The following SPSB4 variants were observed in gnomAD, a reference collection of about 807,000 sequenced individuals.
SPSB4 encodes the protein splA/ryanodine receptor domain and SOCS box containing 4, also known as SPRY domain-containing SOCS box protein 4.
Under a neutral mutation model 20.9 loss-of-function variants are expected in SPSB4, and 21 were observed. That is an observed-to-expected ratio of 1.01 (90% CI 0.71 to 1.45). The LOEUF (loss-of-function observed/expected upper bound fraction) is 1.45. Ranked by LOEUF, SPSB4 falls within the 40% of genes most tolerant of loss-of-function variation. The pLI, the probability that SPSB4 is intolerant of heterozygous loss-of-function variation, is 0.00. For missense variants in SPSB4, 399 were observed against 399.2 expected, an observed-to-expected ratio of 1.00 and a Z score of 0.00; for synonymous variants, 207 against 183.8, an observed-to-expected ratio of 1.13 and a Z score of -1.02.
intron 2 of SPSB4, among the ~76,000 whole-genome samples, chr3:141,109,781 G>C (rs115121428): frequency 6.6e-6 from 1 of 152,120 alleles, no homozygotes; most frequent in African/African-American, 2.4e-5. Flanking sequence ...ATCAAAAAGC[G>C]GCCTTCCAGG....
At chr3:141,079,227 C>T (rs1439777909) in intron 2 of SPSB4, among the ~76,000 whole-genome samples, 2 of 150,748 alleles carry the variant, frequency 1.3e-5, no homozygotes, top group Non-Finnish European at 2.9e-5. Flanking sequence ...CACCACTGCA[C>T]TCCAGCCTGA....
chr3:141,139,908 G>A (rs1194246507), intron 2 of SPSB4, among the ~76,000 whole-genome samples: 3 of 152,098 alleles, frequency 2.0e-5, no homozygotes, highest in Non-Finnish European at 4.4e-5. Flanking sequence ...AAGTTCTCCT[G>A]GATAATATCC....
intron 1 of SPSB4, among the ~76,000 whole-genome samples, chr3:141,060,717 TA>T (rs1937744652): frequency 6.6e-6 from 1 of 152,246 alleles, no homozygotes. Flanking sequence ...TTGCCGAGGC[TA>T]AACCAGTTTA....
intron 2 of SPSB4, among the ~76,000 whole-genome samples, chr3:141,122,796 G>A (rs566972729): frequency 1.4e-4 from 22 of 152,360 alleles, no homozygotes; most frequent in Admixed American, 6.5e-5. Context: ...AAGACTGTGG[G>A]AAAAGCGCAG....
chr3:141,072,586 G>T (rs1382216809), intron 2 of SPSB4, among the ~76,000 whole-genome samples: 2 of 152,266 alleles, frequency 1.3e-5, no homozygotes, highest in Non-Finnish European at 2.9e-5. Context: ...ATGAGTAAAA[G>T]CTTCCTGAGG....
intron 2 of SPSB4, among the ~76,000 whole-genome samples, chr3:141,113,596 G>T (rs1487666758): frequency 6.6e-6 from 1 of 152,104 alleles, no homozygotes; most frequent in African/African-American, 2.4e-5. Context: ...CATATTCTGG[G>T]CATGGAATAT....
chr3:141,116,140 A>G (rs1210987247), intron 2 of SPSB4, among the ~76,000 whole-genome samples: 1 of 152,178 alleles, frequency 6.6e-6, no homozygotes, highest in Non-Finnish European at 1.5e-5. Flanking sequence ...ACAGGAGTCA[A>G]CTGTGCCAGT....
chr3:141,068,760 G>A (rs1324499640), intron 2 of SPSB4, among the ~76,000 whole-genome samples: 1 of 152,194 alleles, frequency 6.6e-6, no homozygotes, highest in Non-Finnish European at 1.5e-5. Flanking sequence ...TCCTGTTGTA[G>A]GCTTCCTCTT....
intron 1 of SPSB4, among the ~76,000 whole-genome samples, chr3:141,064,184 C>T (rs150010016): frequency 7.3e-4 from 111 of 152,388 alleles, no homozygotes; most frequent in African/African-American, 2.6e-3. Flanking sequence ...CAGGTGTCTT[C>T]TCTAGGTGTT....
chr3:141,117,501 T>C (rs918259950), intron 2 of SPSB4, among the ~76,000 whole-genome samples: 6 of 152,220 alleles, frequency 3.9e-5, no homozygotes, highest in Non-Finnish European at 4.4e-5. Context: ...TTGTTCTCTT[T>C]CTCTGTTTTT....
chr3:141,107,961 AAAAAT>A (rs201865172), intron 2 of SPSB4, among the ~76,000 whole-genome samples: 16,310 of 151,506 alleles, frequency 0.11, 948 homozygotes, highest in Middle Eastern at 0.14. Context: ...TCTTAAAAAA[AAAAAT>A]AAAATAAAAG....
chr3:141,147,148 C>G lies in SPSB4; in HGVS notation c.701C>G (p.Pro234Arg), dbSNP rs750087615. 6.2e-7 allele frequency: 1 copy of G among 1,614,086 alleles called. No homozygotes were observed. The highest frequency in any genetic ancestry group is 1.7e-4 in the Middle Eastern group (1 of 5,964). ...TGCTTCCCTCTCATTGCAGCCGAGC[C>G]CCTGCCACTGATGGACCTGTGCCGG... ...MRYINGLDPE[P>R]LPLMDLCRRS... The change falls in exon 3 of 3, where the codon CCC becomes CGC. Residue 234 changes from proline to arginine, a missense_variant. Physicochemically the swap from Pro to Arg is moderately radical, Grantham distance 103. Transcript: ENST00000310546.
intron 2 of SPSB4, among the ~76,000 whole-genome samples, chr3:141,121,739 T>C (rs909092122): frequency 3.3e-5 from 5 of 152,368 alleles, no homozygotes; most frequent in African/African-American, 7.2e-5. Flanking sequence ...CACAAAGTTC[T>C]TGTGCTGTGG....
At chr3:141,128,110 G>A (rs1279939914) in intron 2 of SPSB4, among the ~76,000 whole-genome samples, 1 of 152,218 alleles carries the variant, frequency 6.6e-6, no homozygotes, top group African/African-American at 2.4e-5. Flanking sequence ...TTCCCTGAGG[G>A]GAAATAATGG....
chr3:141,090,886 G>A (rs1308484654), intron 2 of SPSB4, among the ~76,000 whole-genome samples: 1 of 152,214 alleles, frequency 6.6e-6, no homozygotes, highest in African/African-American at 2.4e-5. Context: ...TGGTGGCTTG[G>A]CTCGGGATGG....
chr3:141,073,938 G>A (rs1389496819), intron 2 of SPSB4, among the ~76,000 whole-genome samples: 1 of 152,214 alleles, frequency 6.6e-6, no homozygotes. Context: ...GAAAGGAACA[G>A]TCTCTCAGTT....
intron 1 of SPSB4, among the ~76,000 whole-genome samples, chr3:141,064,507 A>G (rs962539728): frequency 4.6e-5 from 7 of 152,230 alleles, no homozygotes; most frequent in Non-Finnish European, 1.0e-4. Flanking sequence ...GAGAGGGAAG[A>G]GTATGAGAGT....
intron 2 of SPSB4, among the ~76,000 whole-genome samples, chr3:141,139,121 G>C (rs1409388504): frequency 1.3e-5 from 2 of 152,042 alleles, no homozygotes; most frequent in Non-Finnish European, 2.9e-5. Context: ...ATCTTTGTTG[G>C]TTTAAAGTCT....
In SPSB4 at chr3:141,148,138, G is replaced by C. The variant is rs918818383; in HGVS notation, c.*869G>C. 3 of 152,738 alleles carry C rather than the reference G, an allele frequency of 2.0e-5. No homozygotes were observed. The highest frequency in any genetic ancestry group is 6.5e-5 in the Admixed American group (1 of 15,280). 9.5% of individuals were successfully genotyped at this position (152,738 alleles called of 1,614,324 possible). ...ACCCAAGTCTGATGTGTCCTGGGTT[G>C]GGGGGCCTTCCTGGAGTGTCAGGGT... On this transcript the variant is annotated 3_prime_UTR_variant, in exon 3 of 3. Transcript: ENST00000310546. The surrounding 1 kb of genome is among the most constrained non-coding windows in gnomAD (Gnocchi z 4.5).
Sources: gnomAD v4.1 joint callset for allele counts (sites outside exome capture counted in the v4.1 genomes callset) on GRCh38, gnomAD v4.1.1 for gene constraint, Gnocchi (gnomAD v3.1) non-coding constraint, MANE v1.5 for transcripts, NCBI Gene and HGNC (gene_info 2026-07-23, HGNC 2026-07-21) for gene names.